FEM1B: variants seen among roughly 807,000 people sequenced by gnomAD.
FEM1B encodes fem-1 homolog B, also known as protein fem-1 homolog B.
Under a neutral mutation model 38.6 loss-of-function variants are expected in FEM1B, and 10 were observed. That is an observed-to-expected ratio of 0.26 (90% confidence interval 0.16 to 0.44). FEM1B has a LOEUF of 0.44. Ranked by LOEUF, FEM1B falls within the 20% of genes least tolerant of loss-of-function variation. The pLI is 1.00. For missense variants in FEM1B, 471 were observed against 786.7 expected (o/e 0.60, Z 4.80); for synonymous variants, 288 against 288.0 (o/e 1.00, Z 0.00).
At position 68,283,367 on chromosome 15, in the gene FEM1B, A is replaced by G. The variant is rs940626453; in HGVS notation, c.248+4702A>G. Among the ~76,000 whole-genome samples, 5 of 151,980 alleles carry G rather than the reference A, an allele frequency of 3.3e-5. No individual in the cohort carries two copies. The East Asian group carries it at 5.8e-4, about 18-fold the overall frequency. ...CTGTTTCCTGGCATATAATAATTATATGTTTTAAAAACCAGGCCAGTTGCA... is the reference window on the plus strand; with the variant it reads ...CTGTTTCCTGGCATATAATAATTATGTGTTTTAAAAACCAGGCCAGTTGCA... On this transcript the variant is annotated intron_variant, in intron 1 of 1. Transcript: ENST00000306917.
At position 68,291,367 on chromosome 15, in the gene FEM1B, C is replaced by G. The variant is rs1203161999; in HGVS notation, c.*125C>G. The G allele has an allele frequency of 1.5e-6, 1 of 685,062 alleles. No homozygotes were observed. Among genetic ancestry groups the G allele is most frequent in the African/African-American group, 1.8e-5 (1 of 55,402 alleles). The allele number at this position is 685,062 out of a possible 1,614,324, so 42.4% of individuals were successfully genotyped here. On this transcript the variant is annotated 3_prime_UTR_variant, in exon 2 of 2. Transcript: ENST00000306917. The surrounding 1 kb of genome is among the most constrained non-coding windows in gnomAD (Gnocchi z 6.9). ...CCACTACCCTTCCTCCCATCCCATC[C>G]TTCCTTAGTTCTGTATTTGTTTTTC...
chr15:68,286,122 A>G (rs762297583), intron 1 of FEM1B, among the ~76,000 whole-genome samples: 1 of 151,958 alleles, frequency 6.6e-6, no homozygotes, highest in Non-Finnish European at 1.5e-5. Flanking sequence ...GTTGCTCCAT[A>G]ACTATTTATT....
At position 68,292,154 on chromosome 15, in the gene FEM1B, G is replaced by A. The variant is rs1352345104; in HGVS notation, c.*912G>A. 1 of 152,054 alleles carries A rather than the reference G, an allele frequency of 6.6e-6. No individual in the cohort carries two copies. Among genetic ancestry groups the A allele is most frequent in the Admixed American group, 6.5e-5 (1 of 15,270 alleles). The allele number at this position is 152,054 out of a possible 1,614,324, so 9.4% of individuals were successfully genotyped here. ...AAATTTGGAAACTACTTTTCCAGAA[G>A]GCATTATTTATGCCTCCCTAATAAG... On this transcript the variant is annotated 3_prime_UTR_variant, in exon 2 of 2. Transcript: ENST00000306917.
chr15:68,279,195 T>C (rs1417170258), intron 1 of FEM1B, among the ~76,000 whole-genome samples: 1 of 152,174 alleles, frequency 6.6e-6, no homozygotes, highest in African/African-American at 2.4e-5. Flanking sequence ...TCATGAGGGA[T>C]TGTCACGCAG....
Position 68,292,938 on chromosome 15 carries a change from T to G in FEM1B, c.*1696T>G, listed in dbSNP as rs966758062. The G allele has an allele frequency of 2.0e-5, 3 of 152,196 alleles. No individual in the cohort carries two copies. Among genetic ancestry groups the G allele is most frequent in the Admixed American group, 1.3e-4 (2 of 15,278 alleles). The allele number at this position is 152,196 out of a possible 1,614,324, so 9.4% of individuals were successfully genotyped here. A position where few individuals can be genotyped will look rare whatever the true frequency, so the allele number is the denominator to read the frequency against. Reference sequence around the variant, plus strand: ...ACAGTTGCTATCATTATACTTTGTCTTCTTGCTTCAGTTAGGAAGGTTTTG... The same window carrying G: ...ACAGTTGCTATCATTATACTTTGTCGTCTTGCTTCAGTTAGGAAGGTTTTG... On this transcript the variant is annotated 3_prime_UTR_variant, in exon 2 of 2. Coordinates refer to ENST00000306917, the MANE Select transcript of FEM1B (RefSeq NM_015322.5).
Position 68,280,032 on chromosome 15 carries a change from A to G in FEM1B, c.248+1367A>G, listed in dbSNP as rs1892709572. 6.6e-6 allele frequency: 1 copy of G among 152,250 alleles called. No individual in the cohort carries two copies. Among genetic ancestry groups the G allele is most frequent in the African/African-American group, 2.4e-5 (1 of 41,466 alleles). 9.4% of individuals were successfully genotyped at this position (152,250 alleles called of 1,614,324 possible). A position where few individuals can be genotyped will look rare whatever the true frequency, so the allele number is the denominator to read the frequency against. ...AGTACCGTTCCACCTGTATAGGCAT[A>G]TGAAGTCATTGAGATATGAATTTCT... On this transcript the variant is annotated intron_variant, in intron 1 of 1. Coordinates refer to ENST00000306917, the MANE Select transcript of FEM1B (RefSeq NM_015322.5). This position sits in a 1 kb window ranked among gnomAD's most constrained non-coding sequence, Gnocchi z 4.2.
chr15:68,293,929 T>C lies in FEM1B; in HGVS notation c.*2687T>C, dbSNP rs535565071. 6.6e-6 allele frequency: 1 copy of C among 152,322 alleles called. No homozygotes were observed. Among genetic ancestry groups the C allele is most frequent in the Admixed American group, 6.5e-5 (1 of 15,292 alleles). The allele number at this position is 152,322 out of a possible 1,614,324, so 9.4% of individuals were successfully genotyped here. Reference sequence around the variant, plus strand: ...TTGATGTTTACTATTGGTATACTTATGCTTTGAATTGTAAATCTTCATTGA... The same window carrying C: ...TTGATGTTTACTATTGGTATACTTACGCTTTGAATTGTAAATCTTCATTGA... On this transcript the variant is annotated 3_prime_UTR_variant, in exon 2 of 2. Transcript: ENST00000306917. This position sits in a 1 kb window ranked among gnomAD's most constrained non-coding sequence, Gnocchi z 5.8.
At chr15:68,286,811 C>G (rs1383939275) in intron 1 of FEM1B, among the ~76,000 whole-genome samples, 1 of 149,160 alleles carries the variant, frequency 6.7e-6, no homozygotes, top group Non-Finnish European at 1.5e-5. Flanking sequence ...AAAAAAATAA[C>G]AAAAGTGAAT....
Position 68,278,317 on chromosome 15 carries a change from CTG to C in FEM1B, c.-98_-97del. 1 of 1,447,404 alleles carries C rather than the reference CTG, an allele frequency of 6.9e-7. No individual in the cohort carries two copies. Among genetic ancestry groups the C allele is most frequent in the Non-Finnish European group, 9.2e-7 (1 of 1,081,956 alleles). The allele number at this position is 1,447,404 out of a possible 1,614,324, so 89.7% of individuals were successfully genotyped here. A position where few individuals can be genotyped will look rare whatever the true frequency, so the allele number is the denominator to read the frequency against. The stretch of plus-strand genomic sequence containing the variant: ...CGGCGACGGCGCCCTGTTGAATGGG[CTG>C]TGAGGGCCCAGGTTTAAAGCGCTGG... On this transcript the variant is annotated 5_prime_UTR_variant, in exon 1 of 2. It introduces an in-frame stop codon into an upstream open reading frame of the 5' UTR. Coordinates refer to ENST00000306917, the MANE Select transcript of FEM1B (RefSeq NM_015322.5). This position sits in a 1 kb window ranked among gnomAD's most constrained non-coding sequence, Gnocchi z 5.7.
rs1217624794 is a variant in FEM1B at position 68,278,928 on chromosome 15, GTCGTCT to G, written c.248+266_248+271del. Among the ~76,000 whole-genome samples the G allele has an allele frequency of 2.0e-5, 3 of 152,040 alleles. No homozygotes were observed. The highest frequency in any genetic ancestry group is 7.3e-5 in the African/African-American group (3 of 41,360). ...ACACCCTCGGCCTTGAAATCTAATA[GTCGTCT>G]TCTCTACTAGATAGTCTGTGAACAA... On this transcript the variant is annotated intron_variant, in intron 1 of 1. Coordinates refer to ENST00000306917, the MANE Select transcript of FEM1B (RefSeq NM_015322.5). The surrounding 1 kb of genome is among the most constrained non-coding windows in gnomAD (Gnocchi z 5.7).
chr15:68,285,127 T>C (rs1228485228), intron 1 of FEM1B, among the ~76,000 whole-genome samples: 2 of 152,242 alleles, frequency 1.3e-5, no homozygotes, highest in African/African-American at 4.8e-5. Context: ...ATGTAGTATG[T>C]ACTCTTTTTG....
Position 68,294,730 on chromosome 15 carries a change from T to A in FEM1B, c.*3488T>A, listed in dbSNP as rs1366344242. 1 of 152,158 alleles carries A rather than the reference T, an allele frequency of 6.6e-6. No homozygotes were observed. Among genetic ancestry groups the A allele is most frequent in the Non-Finnish European group, 1.5e-5 (1 of 68,012 alleles). The allele number at this position is 152,158 out of a possible 1,614,324, so 9.4% of individuals were successfully genotyped here. A position where few individuals can be genotyped will look rare whatever the true frequency, so the allele number is the denominator to read the frequency against. On this transcript the variant is annotated 3_prime_UTR_variant, in exon 2 of 2. Coordinates refer to ENST00000306917, the MANE Select transcript of FEM1B (RefSeq NM_015322.5). This position sits in a 1 kb window ranked among gnomAD's most constrained non-coding sequence, Gnocchi z 4.4. Reference sequence around the variant, plus strand: ...AGGACTTGTTTTTTATGATAGATTTTCTGTAAGAATCTTAAATGTTCCTTT... The same window carrying A: ...AGGACTTGTTTTTTATGATAGATTTACTGTAAGAATCTTAAATGTTCCTTT...
intron 1 of FEM1B, among the ~76,000 whole-genome samples, chr15:68,283,602 G>T (rs1892752013): frequency 6.6e-6 from 1 of 151,274 alleles, no homozygotes; most frequent in South Asian, 2.1e-4. Flanking sequence ...GTGAGCAGTG[G>T]TTGTGCCACT....
rs79638346 is a variant in FEM1B, at chr15:68,281,520, C to A, written c.248+2855C>A. On this transcript the variant is annotated intron_variant, in intron 1 of 1. Coordinates refer to ENST00000306917, the MANE Select transcript of FEM1B (RefSeq NM_015322.5). The surrounding 1 kb of genome is among the most constrained non-coding windows in gnomAD (Gnocchi z 5.1). ...TTTAAAAAGTCTATTCTACCTAAAA[C>A]CTTCTATAATACCTTAGGAAACTAA... 0.052 allele frequency among the ~76,000 whole-genome samples: 7,922 copies of A among 152,208 alleles called. 664 individuals carry two copies. The highest frequency in any genetic ancestry group is 0.17 in the African/African-American group (7,249 of 41,482).
Position 68,291,535 on chromosome 15 carries a change from A to G in FEM1B, c.*293A>G, listed in dbSNP as rs1366043419. ...TATAAAATGTTTTGTTTATGTAACA[A>G]GGGACATTTATAATTTCAAGTTGAT... On this transcript the variant is annotated 3_prime_UTR_variant, in exon 2 of 2. Transcript: ENST00000306917. The surrounding 1 kb of genome is among the most constrained non-coding windows in gnomAD (Gnocchi z 6.9). The G allele has an allele frequency of 6.2e-6, 2 of 324,908 alleles. No individual in the cohort carries two copies. Among genetic ancestry groups the G allele is most frequent in the African/African-American group, 2.1e-5 (1 of 46,770 alleles). The allele number at this position is 324,908 out of a possible 1,614,324, so 20.1% of individuals were successfully genotyped here.
In FEM1B at chr15:68,277,947, CAGG is replaced by C. The variant is rs1892676305; in HGVS notation, c.-464_-462del. The C allele has an allele frequency of 6.4e-6, 1 of 155,800 alleles. No individual in the cohort carries two copies. The highest frequency in any genetic ancestry group is 2.4e-5 in the African/African-American group (1 of 41,532). 9.7% of individuals were successfully genotyped at this position (155,800 alleles called of 1,614,324 possible). A position where few individuals can be genotyped will look rare whatever the true frequency, so the allele number is the denominator to read the frequency against. ...CAGGGACGGCGAAGGGCGGAAAGCG[CAGG>C]AGGAGGCAGTGTTAGGCCTTAGGCC... On this transcript the variant is annotated 5_prime_UTR_variant, in exon 1 of 2. Coordinates refer to ENST00000306917, the MANE Select transcript of FEM1B (RefSeq NM_015322.5).
chr15:68,285,271 T>A (rs1892773524), intron 1 of FEM1B, among the ~76,000 whole-genome samples: 1 of 148,896 alleles, frequency 6.7e-6, no homozygotes, highest in Admixed American at 6.6e-5. Flanking sequence ...TCCTATTAAT[T>A]AATATTTTGG....
rs1303435466 is a variant in FEM1B at position 68,294,502 on chromosome 15, G to A, written c.*3260G>A. On this transcript the variant is annotated 3_prime_UTR_variant, in exon 2 of 2. Coordinates refer to ENST00000306917, the MANE Select transcript of FEM1B (RefSeq NM_015322.5). This position sits in a 1 kb window ranked among gnomAD's most constrained non-coding sequence, Gnocchi z 4.4. Reference sequence around the variant, plus strand: ...TGTTTTGAAAATTAAAATTTCAAGTGAGCAACACCCTGTTAAGAGTTTTCA... The same window carrying A: ...TGTTTTGAAAATTAAAATTTCAAGTAAGCAACACCCTGTTAAGAGTTTTCA... 1.3e-5 allele frequency: 2 copies of A among 152,076 alleles called. No individual in the cohort carries two copies. The highest frequency in any genetic ancestry group is 4.8e-5 in the African/African-American group (2 of 41,412). 9.4% of individuals were successfully genotyped at this position (152,076 alleles called of 1,614,324 possible).
At chr15:68,285,918 C>T (rs955825500) in intron 1 of FEM1B, among the ~76,000 whole-genome samples, 11 of 148,510 alleles carry the variant, frequency 7.4e-5, no homozygotes, top group African/African-American at 1.5e-4. Flanking sequence ...TTTTCTTTAA[C>T]GGTTAATGCT....
Sources: gnomAD v4.1 joint callset for allele counts (sites outside exome capture counted in the v4.1 genomes callset) on GRCh38, gnomAD v4.1.1 for gene constraint, Gnocchi (gnomAD v3.1) non-coding constraint, MANE v1.5 for transcripts, NCBI Gene and HGNC (gene_info 2026-07-23, HGNC 2026-07-21) for gene names.